Variants in RSPH14 observed in about 807,000 individuals in gnomAD.
The protein encoded by RSPH14 is rhabdoid tumor deletion region gene 1.
RSPH14 carries 20 observed loss-of-function variants against 26.7 expected under a neutral mutation model. The ratio of observed to expected loss-of-function variants is 0.75; its 90% CI spans 0.53 to 1.09. The LOEUF (loss-of-function observed/expected upper bound fraction) is 1.09. RSPH14 is among the 50% of genes least tolerant of loss of function. The probability of loss-of-function intolerance (pLI) is 0.00; values close to 1 mark genes in which losing one functional copy is unlikely to be tolerated. For missense variants in RSPH14, 449 were observed against 457.2 expected (o/e 0.98, Z 0.16); for synonymous variants, 177 against 189.3 (o/e 0.93, Z 0.53).
At chr22:23,135,361 G>T (rs555313798) in intron 3 of RSPH14, among the ~76,000 whole-genome samples, 1 of 150,384 alleles carries the variant, frequency 6.6e-6, no homozygotes, top group Non-Finnish European at 1.5e-5. Context: ...GTGTGGTGGC[G>T]GGCGCCTGTA....
intron 4 of RSPH14, among the ~76,000 whole-genome samples, chr22:23,100,165 T>TC (rs2069254645): frequency 6.6e-6 from 1 of 152,128 alleles, no homozygotes; most frequent in African/African-American, 2.4e-5. Flanking sequence ...AGCACAACTC[T>TC]CCCAGCAGCA....
chr22:23,145,701 T>G, upstream of RSPH14: 1 of 1,029,882 alleles, frequency 9.7e-7, no homozygotes, highest in Non-Finnish European at 1.4e-6. Flanking sequence ...GGCGTCCTCA[T>G]TTCCGGAGCG....
chr22:23,152,112 C>CGTGCCCACGGCTGTTGGTTG, the RSPH14 span, among the ~76,000 whole-genome samples: 4 of 152,236 alleles, frequency 2.6e-5, no homozygotes, highest in Non-Finnish European at 5.9e-5. Flanking sequence ...ACAGCACAGA[C>CGTGCCCACGGCTGTTGGTTG]GTGCCCACGG....
At chr22:23,086,854 C>G (rs1009322255) in intron 4 of RSPH14, among the ~76,000 whole-genome samples, 3 of 152,232 alleles carry the variant, frequency 2.0e-5, no homozygotes, top group African/African-American at 7.2e-5. Flanking sequence ...CAAAGGACAC[C>G]TGGCTCCTCA....
At chr22:23,158,160 C>T in the RSPH14 span, 1 of 1,527,630 alleles carries the variant, frequency 6.5e-7, no homozygotes, top group East Asian at 2.3e-5. Flanking sequence ...TGACCAGGGC[C>T]CCTTGTCAGA....
chr22:23,169,388 C>T, the RSPH14 span, among the ~76,000 whole-genome samples: 97 of 152,350 alleles, frequency 6.4e-4, no homozygotes, highest in African/African-American at 2.2e-3. Flanking sequence ...TTGAAGGGAG[C>T]CCTCCTCTGG....
the RSPH14 span, chr22:23,162,771 GCTC>G: frequency 2.2e-6 from 1 of 455,942 alleles, no homozygotes; most frequent in Admixed American, 2.4e-5. Context: ...GATCAGTACT[GCTC>G]TCCTAGGGCC....
chr22:23,145,151 C>CT, upstream of RSPH14: 1 of 591,038 alleles, frequency 1.7e-6, no homozygotes, highest in Non-Finnish European at 3.0e-6. Flanking sequence ...ACCGCCCAAC[C>CT]TCTCCCAGCC....
chr22:23,169,516 G>T, the RSPH14 span, among the ~76,000 whole-genome samples: 4 of 152,230 alleles, frequency 2.6e-5, no homozygotes. Flanking sequence ...AGGGCAGAAA[G>T]CCCAGCCATC....
At chr22:23,094,957 T>C (rs2069080939) in intron 4 of RSPH14, among the ~76,000 whole-genome samples, 1 of 152,152 alleles carries the variant, frequency 6.6e-6, no homozygotes, top group African/African-American at 2.4e-5. Context: ...CTGGATGCGG[T>C]AGAAGTGAGT....
intron 4 of RSPH14, among the ~76,000 whole-genome samples, chr22:23,119,324 T>A (rs1460820992): frequency 6.6e-6 from 1 of 152,242 alleles, no homozygotes; most frequent in Non-Finnish European, 1.5e-5. Context: ...CTGCAGTTGA[T>A]CTTTCAGACC....
chr22:23,156,047 A>G, the RSPH14 span: 5 of 1,607,746 alleles, frequency 3.1e-6, no homozygotes, highest in South Asian at 5.5e-5. Flanking sequence ...GCAACATGCC[A>G]CGTCGGGGCT....
chr22:23,130,155 G>GAA (rs1054478314), intron 4 of RSPH14, among the ~76,000 whole-genome samples: 6 of 121,506 alleles, frequency 4.9e-5, no homozygotes, highest in East Asian at 2.8e-4. Context: ...AAGAAAGAAA[G>GAA]AAAGAAAAAG....
At chr22:23,123,678 T>A (rs563737935) in intron 4 of RSPH14, 1 of 531,774 alleles carries the variant, frequency 1.9e-6, no homozygotes, top group Admixed American at 3.2e-5. Context: ...CTCTAAAATG[T>A]CGAGGTCTCT....
chr22:23,161,493 C>G, the RSPH14 span: 2 of 1,606,882 alleles, frequency 1.2e-6, no homozygotes, highest in South Asian at 2.2e-5. Flanking sequence ...TTCTCCCCTC[C>G]TTACAGAAAT....
At chr22:23,084,024 G>C (rs1248157539) in intron 4 of RSPH14, among the ~76,000 whole-genome samples, 1 of 152,174 alleles carries the variant, frequency 6.6e-6, no homozygotes, top group East Asian at 1.9e-4. Flanking sequence ...CTTGCTTCTT[G>C]TGGAGTTAAC....
intron 4 of RSPH14, among the ~76,000 whole-genome samples, chr22:23,092,257 G>A (rs2069000489): frequency 6.6e-6 from 1 of 152,190 alleles, no homozygotes; most frequent in Non-Finnish European, 1.5e-5. Flanking sequence ...TAAGAGCCAA[G>A]AAGTCAAGCC....
chr22:23,136,292 C>T, intron 3 of RSPH14: 1 of 706,594 alleles, frequency 1.4e-6, no homozygotes, highest in Non-Finnish European at 2.6e-6. Flanking sequence ...CCCAGGGCTG[C>T]TATCCTCATT....
chr22:23,161,389 C>T, the RSPH14 span: 1 of 995,208 alleles, frequency 1.0e-6, no homozygotes. Context: ...CCTTGAACAG[C>T]AGGCCCAGAA....
Sources: gnomAD v4.1 joint callset for allele counts (sites outside exome capture counted in the v4.1 genomes callset) on GRCh38, gnomAD v4.1.1 for gene constraint, MANE v1.5 for transcripts, NCBI Gene and HGNC (gene_info 2026-07-23, HGNC 2026-07-21) for gene names.